The following CNTN4 variants were observed in gnomAD, a reference collection of about 807,000 sequenced individuals.
CNTN4 encodes contactin 4.
A neutral mutation model predicts 122.5 loss-of-function variants in CNTN4; 77 were observed. The observed-to-expected ratio is 0.63, with a 90% CI of 0.52 to 0.76. CNTN4 has a LOEUF of 0.76. Ranked by LOEUF, CNTN4 falls within the 30% of genes least tolerant of loss-of-function variation. The probability of loss-of-function intolerance (pLI) is 0.00; values close to 1 mark genes in which losing one functional copy is unlikely to be tolerated. For synonymous variants in CNTN4, 512 were observed against 447.0 expected, an observed-to-expected ratio of 1.15 and a Z score of -1.83; for missense variants, 1,256 against 1,259.1, an observed-to-expected ratio of 1.00 and a Z score of 0.04.
intron 4 of CNTN4, among the ~76,000 whole-genome samples, chr3:2,728,149 T>A (rs547070776): frequency 6.6e-6 from 1 of 152,320 alleles, no homozygotes; most frequent in East Asian, 1.9e-4. Flanking sequence ...AATCATCATT[T>A]CTACAATCAG....
intron 2 of CNTN4, among the ~76,000 whole-genome samples, chr3:2,215,284 G>T (rs1353347206): frequency 6.6e-6 from 1 of 152,124 alleles, no homozygotes. Context: ...GCTTCCCCCT[G>T]TATTTGATAT....
At chr3:2,834,687 G>T (rs1050915582) in intron 7 of CNTN4, among the ~76,000 whole-genome samples, 2 of 152,116 alleles carry the variant, frequency 1.3e-5, no homozygotes, top group Middle Eastern at 3.4e-3. Flanking sequence ...ATGAGTGTGT[G>T]TAGCTTATGA....
intron 4 of CNTN4, among the ~76,000 whole-genome samples, chr3:2,667,708 G>C (rs1218003160): frequency 8.4e-6 from 1 of 119,690 alleles, no homozygotes; most frequent in Non-Finnish European, 1.7e-5. Context: ...TTTCTTCTAG[G>C]GTTTTTATGG....
intron 3 of CNTN4, among the ~76,000 whole-genome samples, chr3:2,408,498 T>TC (rs2047115599): frequency 6.6e-6 from 1 of 152,192 alleles, no homozygotes; most frequent in Non-Finnish European, 1.5e-5. Context: ...TGAGAGTCAC[T>TC]CATAGAAATA....
intron 14 of CNTN4, among the ~76,000 whole-genome samples, chr3:2,994,964 T>G (rs1695398553): frequency 6.6e-6 from 1 of 152,172 alleles, no homozygotes; most frequent in Admixed American, 6.5e-5. Context: ...TTAGATATCT[T>G]CCACTGGAAC....
intron 13 of CNTN4, among the ~76,000 whole-genome samples, chr3:2,929,622 G>A (rs531429743): frequency 1.4e-3 from 215 of 152,214 alleles, no homozygotes; most frequent in African/African-American, 4.9e-3. Context: ...ACTCTGTCTC[G>A]CTCTCTTCCT....
intron 3 of CNTN4, among the ~76,000 whole-genome samples, chr3:2,502,315 C>G (rs1218632696): frequency 6.6e-6 from 1 of 152,142 alleles, no homozygotes; most frequent in African/African-American, 2.4e-5. Context: ...GTGCATTCCT[C>G]TAGTATCCCA....
intron 17 of CNTN4, 35 bp from the exon 18 acceptor site, chr3:3,037,144 C>T (rs1456415802): frequency 1.2e-6 from 2 of 1,612,840 alleles, no homozygotes; most frequent in Non-Finnish European, 1.7e-6. Context: ...TTCTGAGAAC[C>T]TATGAAACAG....
intron 4 of CNTN4, among the ~76,000 whole-genome samples, chr3:2,712,606 G>T (rs1484478667): frequency 6.6e-6 from 1 of 152,176 alleles, no homozygotes; most frequent in African/African-American, 2.4e-5. Flanking sequence ...TTCATGCCAT[G>T]TCCTGGCATA....
intron 2 of CNTN4, chr3:2,238,947 G>T (rs547486148): frequency 7.0e-6 from 1 of 143,806 alleles, no homozygotes; most frequent in Non-Finnish European, 1.5e-5. Context: ...GGATGGTCTC[G>T]ATCTCCTGAC....
At chr3:2,814,459 C>A (rs2092683702) in intron 6 of CNTN4, among the ~76,000 whole-genome samples, 1 of 152,162 alleles carries the variant, frequency 6.6e-6, no homozygotes, top group African/African-American at 2.4e-5. Flanking sequence ...TGTTCAACTT[C>A]ACACTTTGCA....
At chr3:2,487,546 G>C (rs2076197298) in intron 3 of CNTN4, among the ~76,000 whole-genome samples, 1 of 152,118 alleles carries the variant, frequency 6.6e-6, no homozygotes, top group African/African-American at 2.4e-5. Flanking sequence ...ATATTCCTTA[G>C]GATACTACCA....
intron 3 of CNTN4, among the ~76,000 whole-genome samples, chr3:2,523,369 AAAAC>A (rs2077288870): frequency 1.4e-5 from 2 of 143,324 alleles, no homozygotes; most frequent in South Asian, 2.2e-4. Flanking sequence ...AAAAAAAAAA[AAAAC>A]AAAACTTTTT....
At chr3:2,710,175 G>C (rs990451521) in intron 4 of CNTN4, among the ~76,000 whole-genome samples, 1 of 152,146 alleles carries the variant, frequency 6.6e-6, no homozygotes, top group Non-Finnish European at 1.5e-5. Flanking sequence ...AGCAATTTTG[G>C]TTTTTAGTTG....
chr3:2,872,736 C>T (rs1293321215), intron 8 of CNTN4, among the ~76,000 whole-genome samples: 3 of 152,044 alleles, frequency 2.0e-5, no homozygotes, highest in African/African-American at 2.4e-5. Flanking sequence ...TATTTACATA[C>T]ATTGTTAATC....
chr3:2,910,601 C>G (rs2094289286), intron 12 of CNTN4, among the ~76,000 whole-genome samples: 1 of 152,164 alleles, frequency 6.6e-6, no homozygotes, highest in Admixed American at 6.5e-5. Flanking sequence ...AGATTGTTTT[C>G]TACCCTTCCC....
At chr3:2,915,077 T>TG (rs2094339349) in intron 12 of CNTN4, among the ~76,000 whole-genome samples, 1 of 151,734 alleles carries the variant, frequency 6.6e-6, no homozygotes, top group Admixed American at 6.6e-5. Flanking sequence ...ACCATGTCTT[T>TG]TTTGTTTGTT....
chr3:2,754,457 T>C (rs2090236956), intron 6 of CNTN4, among the ~76,000 whole-genome samples: 1 of 152,130 alleles, frequency 6.6e-6, no homozygotes, highest in Non-Finnish European at 1.5e-5. Flanking sequence ...GTGGTATTAT[T>C]CTGGAGGAAG....
rs541303337 is a variant in CNTN4, at chr3:2,261,429, T to C, written c.-144-77749T>C. Among the ~76,000 whole-genome samples, 95 of 152,332 alleles carry C rather than the reference T, an allele frequency of 6.2e-4. 1 individual carries two copies. The highest frequency in any genetic ancestry group is 2.2e-3 in the African/African-American group (90 of 41,580). ...ATTGTCCAGCCAGCTGGTATTCATA[T>C]ATAAGATTTTATTAAATAACATCTT... On this transcript the variant is annotated intron_variant, in intron 2 of 24. Transcript: ENST00000418658.
Sources: allele counts gnomAD v4.1 joint callset (sites outside exome capture counted in the v4.1 genomes callset), GRCh38; gene constraint gnomAD v4.1.1; transcripts MANE v1.5; gene names NCBI Gene and HGNC (gene_info 2026-07-23, HGNC 2026-07-21).